Variants in CNTNAP2 observed in about 807,000 individuals in gnomAD.
The protein encoded by CNTNAP2 is contactin-associated protein-like 2.
A neutral mutation model predicts 155.2 loss-of-function variants in CNTNAP2; 98 were observed. That is an observed-to-expected ratio of 0.63 (90% CI 0.54 to 0.75). The LOEUF (loss-of-function observed/expected upper bound fraction) is 0.75, where lower values mean the gene tolerates loss of function less well. Ranked by LOEUF, CNTNAP2 falls within the 30% of genes least tolerant of loss-of-function variation. The pLI is 0.00. For missense variants in CNTNAP2, 1,727 were observed against 1,688.1 expected, an observed-to-expected ratio of 1.02 and a Z score of -0.40; for synonymous variants, 651 against 631.2, an observed-to-expected ratio of 1.03 and a Z score of -0.47.
intron 3 of CNTNAP2, among the ~76,000 whole-genome samples, chr7:147,033,124 A>G (rs543532619): frequency 1.2e-3 from 168 of 143,158 alleles, no homozygotes; most frequent in African/African-American, 4.1e-3. Context: ...AAAGAGCAGT[A>G]GGGTCTAGAG....
At chr7:148,385,009 C>G (rs907086516) in intron 22 of CNTNAP2, among the ~76,000 whole-genome samples, 1 of 152,188 alleles carries the variant, frequency 6.6e-6, no homozygotes, top group Non-Finnish European at 1.5e-5. Context: ...CAAATCCTCT[C>G]CCCCTGCAAA....
At chr7:147,990,277 G>A (rs1801687735) in intron 15 of CNTNAP2, among the ~76,000 whole-genome samples, 1 of 152,152 alleles carries the variant, frequency 6.6e-6, no homozygotes, top group Non-Finnish European at 1.5e-5. Flanking sequence ...TAAAGAAAGA[G>A]GAAAGAAACA....
At chr7:147,605,970 C>T (rs1160247828) in intron 12 of CNTNAP2, among the ~76,000 whole-genome samples, 2 of 151,586 alleles carry the variant, frequency 1.3e-5, no homozygotes, top group Non-Finnish European at 2.9e-5. Flanking sequence ...ACATGAGCCT[C>T]CTGTGATTGT....
rs1334825729 is a variant in CNTNAP2, at chr7:148,413,850, T to C, written c.3797-1567T>C. ...TTCATTTCTACTAACAACCTTGTCC[T>C]TTGTCTCATATTAACGTAGCTATTC... On this transcript the variant is annotated intron_variant, in intron 23 of 23. Transcript: ENST00000361727. 4.6e-5 allele frequency among the ~76,000 whole-genome samples: 7 copies of C among 151,420 alleles called. No homozygotes were observed. The East Asian group carries it at 1.4e-3, about 29-fold the overall frequency.
intron 13 of CNTNAP2, among the ~76,000 whole-genome samples, chr7:147,756,068 C>T (rs1797210032): frequency 6.6e-6 from 1 of 152,172 alleles, no homozygotes; most frequent in African/African-American, 2.4e-5. Flanking sequence ...TATGGTATTA[C>T]TTGGGACAAT....
chr7:147,885,508 A>G (rs1585010346), intron 13 of CNTNAP2, among the ~76,000 whole-genome samples: 1 of 150,178 alleles, frequency 6.7e-6, no homozygotes, highest in African/African-American at 2.5e-5. Flanking sequence ...TTCATTCAGA[A>G]CTCCACCCCC....
chr7:146,357,924 C>A (rs2129100184), intron 1 of CNTNAP2, among the ~76,000 whole-genome samples: 1 of 151,714 alleles, frequency 6.6e-6, no homozygotes, highest in Non-Finnish European at 1.5e-5. Context: ...CCGCCCCCCG[C>A]CACACACAGG....
intron 2 of CNTNAP2, among the ~76,000 whole-genome samples, chr7:146,795,485 G>A (rs995444857): frequency 6.6e-6 from 1 of 152,194 alleles, no homozygotes; most frequent in African/African-American, 2.4e-5. Flanking sequence ...TGGAAAGTGG[G>A]ATGGAGAAGT....
At chr7:147,925,904 C>G (rs969967221) in intron 14 of CNTNAP2, among the ~76,000 whole-genome samples, 3 of 152,182 alleles carry the variant, frequency 2.0e-5, no homozygotes, top group South Asian at 2.1e-4. Flanking sequence ...AACTGATCTT[C>G]TTACTGTTTT....
Position 148,140,446 on chromosome 7 carries a change from A to G in CNTNAP2, c.2555-7045A>G, listed in dbSNP as rs189389448. On this transcript the variant is annotated intron_variant, in intron 16 of 23. Transcript: ENST00000361727. ...CTTTTTTTTTTTTTTTTTGAGACAGAGTTTCGCTCTTGTTGCCCAGGCTGG... is the reference window on the plus strand; with the variant it reads ...CTTTTTTTTTTTTTTTTTGAGACAGGGTTTCGCTCTTGTTGCCCAGGCTGG... Among the ~76,000 whole-genome samples the G allele has an allele frequency of 8.2e-4, 115 of 140,890 alleles. 1 individual carries two copies. Among genetic ancestry groups the G allele is most frequent in the Admixed American group, 1.7e-3 (24 of 13,778 alleles). 92.4% of individuals were successfully genotyped at this position (140,890 alleles called of 152,430 possible).
chr7:148,061,429 G>A (rs1324964871), intron 15 of CNTNAP2, among the ~76,000 whole-genome samples: 2 of 151,972 alleles, frequency 1.3e-5, no homozygotes, highest in Admixed American at 1.3e-4. Context: ...TCTTGGCTCA[G>A]TGCAACCTCC....
chr7:147,365,300 A>C (rs1429366192), intron 9 of CNTNAP2, among the ~76,000 whole-genome samples: 1 of 145,138 alleles, frequency 6.9e-6, no homozygotes, highest in Non-Finnish European at 1.5e-5. Context: ...GCTCGAACCC[A>C]GGAGGCGGAG....
chr7:147,161,256 C>T (rs138349232), intron 8 of CNTNAP2, among the ~76,000 whole-genome samples: 17 of 152,154 alleles, frequency 1.1e-4, no homozygotes, highest in African/African-American at 2.6e-4. Context: ...AGTTGCATAG[C>T]GCAACTCAGA....
intron 18 of CNTNAP2, among the ~76,000 whole-genome samples, chr7:148,187,629 G>T (rs556253690): frequency 6.6e-6 from 1 of 152,148 alleles, no homozygotes; most frequent in Non-Finnish European, 1.5e-5. Context: ...GTCAGCTCCA[G>T]CTGTTTCCTT....
At position 148,249,856 on chromosome 7, in the gene CNTNAP2, G is replaced by A. The variant is rs572105398; in HGVS notation, c.3382-17177G>A. Among the ~76,000 whole-genome samples, 41 of 152,222 alleles carry A rather than the reference G, an allele frequency of 2.7e-4. 1 individual carries two copies. The East Asian group carries it at 4.6e-3, about 17-fold the overall frequency. On this transcript the variant is annotated intron_variant, in intron 20 of 23. Transcript: ENST00000361727. ...CTCCCACCTTGCACATCTGCTGCTC[G>A]GGCTCCAGACTCCATCCTGTTCTGC...
intron 8 of CNTNAP2, among the ~76,000 whole-genome samples, chr7:147,273,974 C>A (rs1804828497): frequency 6.8e-6 from 1 of 147,182 alleles, no homozygotes. Context: ...ACATATATTA[C>A]ATGTATGTTA....
chr7:147,830,462 A>C (rs181786590), intron 13 of CNTNAP2, among the ~76,000 whole-genome samples: 1 of 152,300 alleles, frequency 6.6e-6, no homozygotes, highest in Admixed American at 6.5e-5. Context: ...TTGGGTGTTA[A>C]GATTTCAGCA....
chr7:146,756,781 C>T (rs1367661351), intron 1 of CNTNAP2, among the ~76,000 whole-genome samples: 1 of 151,968 alleles, frequency 6.6e-6, no homozygotes, highest in African/African-American at 2.4e-5. Context: ...CTTTCCTGTT[C>T]TTAGCGCATT....
intron 15 of CNTNAP2, among the ~76,000 whole-genome samples, chr7:148,055,839 G>T (rs1199631098): frequency 6.6e-6 from 1 of 152,168 alleles, no homozygotes; most frequent in Non-Finnish European, 1.5e-5. Flanking sequence ...TCTTTTAAAT[G>T]AAGGAGGCAG....
Sources: allele counts gnomAD v4.1 joint callset (sites outside exome capture counted in the v4.1 genomes callset), GRCh38; gene constraint gnomAD v4.1.1; transcripts MANE v1.5; gene names NCBI Gene and HGNC (gene_info 2026-07-23, HGNC 2026-07-21).